Variants in MLLT10 observed in about 807,000 individuals in gnomAD.
MLLT10 encodes MLLT10 histone lysine methyltransferase DOT1L cofactor.
Under a neutral mutation model 129.1 loss-of-function variants are expected in MLLT10, and 30 were observed. The ratio of observed to expected loss-of-function variants is 0.23; its 90% CI spans 0.17 to 0.32. The LOEUF is 0.32. Among genes scored for constraint, MLLT10 ranks in the 10% least tolerant of loss-of-function variants. MLLT10 has a pLI of 1.00. For synonymous variants in MLLT10, 490 were observed against 446.4 expected (o/e 1.10, Z -1.23); for missense variants, 1,119 against 1,268.3 (o/e 0.88, Z 1.79).
chr10:21,660,703 G>A (rs1410288369), intron 9 of MLLT10, among the ~76,000 whole-genome samples: 6 of 148,430 alleles, frequency 4.0e-5, no homozygotes, highest in Non-Finnish European at 7.4e-5. Flanking sequence ...GCGAAGCCCC[G>A]TATCTACTAA....
chr10:21,572,068 A>G (rs560491081), intron 3 of MLLT10: 2 of 152,266 alleles, frequency 1.3e-5, no homozygotes, highest in South Asian at 2.1e-4. Context: ...GCTTTTGCTA[A>G]TTTATATTTA....
intron 3 of MLLT10, among the ~76,000 whole-genome samples, chr10:21,549,915 A>G (rs1389162660): frequency 6.6e-6 from 1 of 152,148 alleles, no homozygotes; most frequent in Non-Finnish European, 1.5e-5. Flanking sequence ...CTGGGATTAC[A>G]GGCGTGAGCC....
At chr10:21,621,104 C>T (rs1477110245) in intron 8 of MLLT10, among the ~76,000 whole-genome samples, 1 of 151,450 alleles carries the variant, frequency 6.6e-6, no homozygotes, top group African/African-American at 2.4e-5. Flanking sequence ...CTGTCTCAGC[C>T]TTCCGAGTAG....
chr10:21,698,324 G>A (rs1457063174), intron 13 of MLLT10, among the ~76,000 whole-genome samples: 1 of 152,126 alleles, frequency 6.6e-6, no homozygotes, highest in Admixed American at 6.5e-5. Flanking sequence ...TGTGGTATTT[G>A]TCTTTCTGTG....
chr10:21,668,361 T>C (rs2131368293), intron 9 of MLLT10, among the ~76,000 whole-genome samples: 1 of 152,214 alleles, frequency 6.6e-6, no homozygotes, highest in South Asian at 2.1e-4. Context: ...ATAATGGAAT[T>C]CCCTAGTGCC....
intron 11 of MLLT10, among the ~76,000 whole-genome samples, chr10:21,674,854 AGG>A (rs1337781817): frequency 3.3e-5 from 5 of 152,228 alleles, no homozygotes; most frequent in Admixed American, 3.3e-4. Context: ...AAGGGTAGGT[AGG>A]AAATGGTATG....
At chr10:21,625,178 G>T in intron 8 of MLLT10, 3 of 1,454,590 alleles carry the variant, frequency 2.1e-6, no homozygotes, top group Non-Finnish European at 2.9e-6. Context: ...ATCTTCATAT[G>T]CAGTGCTTCT....
chr10:21,623,322 C>T (rs2046089170), intron 8 of MLLT10, among the ~76,000 whole-genome samples: 2 of 152,170 alleles, frequency 1.3e-5, no homozygotes, highest in Admixed American at 1.3e-4. Flanking sequence ...CAGCGTCTAT[C>T]CTCCAAGATT....
intron 9 of MLLT10, among the ~76,000 whole-genome samples, chr10:21,665,186 T>G (rs2050643665): frequency 6.6e-6 from 1 of 151,908 alleles, no homozygotes; most frequent in Non-Finnish European, 1.5e-5. Flanking sequence ...CCTCAAGTGA[T>G]CCACCTGTGT....
chr10:21,637,224 A>T (rs142584141), intron 8 of MLLT10, among the ~76,000 whole-genome samples: 216 of 152,314 alleles, frequency 1.4e-3, no homozygotes, highest in African/African-American at 4.9e-3. Context: ...AAGGTAGACA[A>T]TGTGCTTCAG....
intron 3 of MLLT10, 101 bp from the exon 4 acceptor site, chr10:21,586,191 AAT>A (rs2041966473): frequency 3.4e-6 from 3 of 890,236 alleles, no homozygotes. Flanking sequence ...AACTAGGACA[AAT>A]GCTGCTCTCA....
chr10:21,641,570 G>A (rs529226684), intron 8 of MLLT10, among the ~76,000 whole-genome samples: 29 of 152,254 alleles, frequency 1.9e-4, no homozygotes, highest in Admixed American at 9.2e-4. Flanking sequence ...GTGGGAGGAT[G>A]CCTTGAGCCT....
chr10:21,693,452 A>G (rs1255196552), intron 13 of MLLT10, among the ~76,000 whole-genome samples: 2 of 151,784 alleles, frequency 1.3e-5, no homozygotes, highest in East Asian at 3.9e-4. Context: ...TCGTGCTCTT[A>G]GTATCTTTCC....
At position 21,666,661 on chromosome 10, in the gene MLLT10, C is replaced by CA. The variant is rs550508629; in HGVS notation, c.796-3776dup. Among the ~76,000 whole-genome samples the CA allele has an allele frequency of 9.8e-3, 1,225 of 124,748 alleles. 9 individuals carry two copies. The highest frequency in any genetic ancestry group is 0.03 in the South Asian group (121 of 4,022). The allele number at this position is 124,748 out of a possible 152,430, so 81.8% of individuals were successfully genotyped here. ...CTGGCGACAGAGCAAGACTCTGTCT[C>CA]AAAAAAAAAAAATAAATAAAAAAGT... On this transcript the variant is annotated intron_variant, in intron 9 of 22. Transcript: ENST00000307729.
At chr10:21,570,903 G>T (rs979814222) in intron 3 of MLLT10, among the ~76,000 whole-genome samples, 1 of 152,000 alleles carries the variant, frequency 6.6e-6, no homozygotes, top group Non-Finnish European at 1.5e-5. Context: ...TTTAGCCACT[G>T]TGAATTTTAC....
At chr10:21,652,183 A>G (rs1033359259) in intron 9 of MLLT10, among the ~76,000 whole-genome samples, 1 of 152,038 alleles carries the variant, frequency 6.6e-6, no homozygotes, top group Non-Finnish European at 1.5e-5. Flanking sequence ...AAGTGCTGGG[A>G]TTACAGGCAA....
intron 3 of MLLT10, among the ~76,000 whole-genome samples, chr10:21,545,660 A>C (rs575549477): frequency 5.2e-4 from 79 of 152,330 alleles, no homozygotes; most frequent in African/African-American, 1.9e-3. Context: ...ACACTTTCTC[A>C]TGACTATTTT....
chr10:21,610,944 T>G (rs1589222537), intron 5 of MLLT10, among the ~76,000 whole-genome samples: 1 of 151,424 alleles, frequency 6.6e-6, no homozygotes, highest in East Asian at 1.9e-4. Flanking sequence ...ATGTTTGTAA[T>G]TCAGTTGAGT....
intron 8 of MLLT10, among the ~76,000 whole-genome samples, chr10:21,633,537 T>C (rs1440420789): frequency 6.6e-6 from 1 of 151,564 alleles, no homozygotes; most frequent in Non-Finnish European, 1.5e-5. Flanking sequence ...ACAAAAAATA[T>C]AAAAATAAGC....
Sources: allele counts gnomAD v4.1 joint callset (sites outside exome capture counted in the v4.1 genomes callset), GRCh38; gene constraint gnomAD v4.1.1; transcripts MANE v1.5; gene names NCBI Gene and HGNC (gene_info 2026-07-23, HGNC 2026-07-21).